Variants in ITPR3 observed in about 807,000 individuals in gnomAD.
ITPR3 encodes inositol 1,4,5-trisphosphate-gated calcium channel ITPR3.
In ITPR3, 173 loss-of-function variants were observed where a neutral mutation model predicts 293.2. The observed-to-expected ratio is 0.59, with a 90% CI of 0.52 to 0.67. ITPR3 has a LOEUF of 0.67. Ranked by LOEUF, ITPR3 falls within the 30% of genes least tolerant of loss-of-function variation. The probability of loss-of-function intolerance (pLI) is 0.00; values close to 1 mark genes in which losing one functional copy is unlikely to be tolerated. For missense variants in ITPR3, 2,796 were observed against 3,592.1 expected, an observed-to-expected ratio of 0.78 and a Z score of 5.66; for synonymous variants, 1,295 against 1,444.4, an observed-to-expected ratio of 0.90 and a Z score of 2.35.
Position 33,672,606 on chromosome 6 carries a change from G to A in ITPR3, c.2928+378G>A, listed in dbSNP as rs1453188376. Among the ~76,000 whole-genome samples the A allele has an allele frequency of 1.3e-5, 2 of 152,096 alleles. No homozygotes were observed. The highest frequency in any genetic ancestry group is 2.9e-5 in the Non-Finnish European group (2 of 68,008). On this transcript the variant is annotated intron_variant, in intron 22 of 57. Transcript: ENST00000605930. This position sits in a 1 kb window ranked among gnomAD's most constrained non-coding sequence, Gnocchi z 5.0. ...AGAAAAACAGAAATGCACATTCTCC[G>A]GCCCCACCCTAGACCTACTGAGTCA...
intron 49 of ITPR3, 82 bp downstream of exon 49, chr6:33,688,863 C>T: frequency 6.3e-7 from 1 of 1,586,696 alleles, no homozygotes; most frequent in Non-Finnish European, 8.6e-7. Flanking sequence ...TTGAGGCCAG[C>T]TGGCCTCTGA....
Position 33,658,642 on chromosome 6 carries a change from A to G in ITPR3, c.370-28A>G, listed in dbSNP as rs1764373519. 1 of 1,610,974 alleles carries G rather than the reference A, an allele frequency of 6.2e-7. No individual in the cohort carries two copies. Among genetic ancestry groups the G allele is most frequent in the Non-Finnish European group, 8.5e-7 (1 of 1,177,786 alleles). The stretch of plus-strand genomic sequence containing the variant: ...ATGGGCCGACTCCTGTGGCGCGGTG[A>G]CCTTCCCGCACCCCACCTGACCCCC... On this transcript the variant is annotated intron_variant, in intron 4 of 57. Transcript: ENST00000605930. The surrounding 1 kb of genome is among the most constrained non-coding windows in gnomAD (Gnocchi z 6.1).
At chr6:33,629,482 CTT>C (rs571746597) in intron 1 of ITPR3, among the ~76,000 whole-genome samples, 33 of 138,596 alleles carry the variant, frequency 2.4e-4, no homozygotes, top group Admixed American at 2.9e-4. Context: ...CCATTGGTTT[CTT>C]TTTTTTTTTT....
intron 2 of ITPR3, among the ~76,000 whole-genome samples, chr6:33,649,195 G>A (rs1367162751): frequency 2.6e-5 from 4 of 152,130 alleles, no homozygotes; most frequent in Non-Finnish European, 5.9e-5. Flanking sequence ...GAGCCATTGC[G>A]CCTGGCCTAT....
intron 1 of ITPR3, among the ~76,000 whole-genome samples, chr6:33,626,646 C>T (rs1363337100): frequency 6.6e-6 from 1 of 152,204 alleles, no homozygotes; most frequent in East Asian, 1.9e-4. Flanking sequence ...TTAGGCACTG[C>T]AGAATCAGTG....
rs1412015180 is a variant in ITPR3 at position 33,679,237 on chromosome 6, T to C, written c.3972+398T>C. Among the ~76,000 whole-genome samples, 1 of 152,154 alleles carries C rather than the reference T, an allele frequency of 6.6e-6. No homozygotes were observed. Among genetic ancestry groups the C allele is most frequent in the African/African-American group, 2.4e-5 (1 of 41,430 alleles). On this transcript the variant is annotated intron_variant, in intron 30 of 57. Transcript: ENST00000605930. This position sits in a 1 kb window ranked among gnomAD's most constrained non-coding sequence, Gnocchi z 4.2. ...GGGCACGGGCAGGGACCCCATCCTT[T>C]GTGTGCATCGCCAGGGCCCCAGTGT...
In ITPR3 at chr6:33,633,708, G is replaced by C. The variant is rs1440376261; in HGVS notation, c.90-6776G>C. On this transcript the variant is annotated intron_variant, in intron 1 of 57. Transcript: ENST00000605930. This position sits in a 1 kb window ranked among gnomAD's most constrained non-coding sequence, Gnocchi z 5.2. ...CCTTGGCGGCGGCGGCGCGTCGTGG[G>C]AGACGGCTGCACGTGGGACGGCGAG... Among the ~76,000 whole-genome samples, 2 of 148,142 alleles carry C rather than the reference G, an allele frequency of 1.4e-5. No homozygotes were observed. The highest frequency in any genetic ancestry group is 6.7e-5 in the Admixed American group (1 of 14,942).
chr6:33,627,396 A>G (rs944171674), intron 1 of ITPR3, among the ~76,000 whole-genome samples: 2 of 152,154 alleles, frequency 1.3e-5, no homozygotes, highest in Non-Finnish European at 2.9e-5. Context: ...ATGGCTTTGT[A>G]CCCTGTCCTT....
chr6:33,685,504 A>G lies in ITPR3; in HGVS notation c.5453A>G (p.Asp1818Gly). The change falls in exon 40 of 58, where the codon GAC becomes GGC. Residue 1818 changes from aspartate to glycine, a missense_variant. This residue lies in a region of ITPR3 where 704 missense variants were observed against 797.5 expected (regional missense o/e 0.88). Transcript: ENST00000605930. Reference sequence around the variant, plus strand: ...GACCTGGGCAGCCAGCCACATGAGGACCGCGAGCCAGTCGACCCCACCACC... The same window carrying G: ...GACCTGGGCAGCCAGCCACATGAGGGCCGCGAGCCAGTCGACCCCACCACC... ...MNDLGSQPHEDREPVDPTTKG... is the reference protein window; with the variant it reads ...MNDLGSQPHEGREPVDPTTKG... The G allele has an allele frequency of 6.2e-7, 1 of 1,612,152 alleles. No individual in the cohort carries two copies. Among genetic ancestry groups the G allele is most frequent in the East Asian group, 2.2e-5 (1 of 44,774 alleles).
At chr6:33,622,973 C>G (rs1215393327) in intron 1 of ITPR3, among the ~76,000 whole-genome samples, 1 of 152,184 alleles carries the variant, frequency 6.6e-6, no homozygotes, top group Non-Finnish European at 1.5e-5. Context: ...CGTGGAATCC[C>G]TGCCTATTTG....
At chr6:33,631,445 G>A (rs993495461) in intron 1 of ITPR3, among the ~76,000 whole-genome samples, 3 of 152,192 alleles carry the variant, frequency 2.0e-5, no homozygotes, top group Admixed American at 6.5e-5. Context: ...TTAGGTAGCC[G>A]AAGCAGAGAG....
Position 33,687,016 on chromosome 6 carries a change from C to A in ITPR3, c.5987C>A (p.Ala1996Asp). 1 of 1,613,812 alleles carries A rather than the reference C, an allele frequency of 6.2e-7. No individual in the cohort carries two copies. The highest frequency in any genetic ancestry group is 8.5e-7 in the Non-Finnish European group (1 of 1,179,842). Residue 1996 changes from alanine (A) to aspartate (D), a missense_variant, in exon 44 of 58, where the codon GCC (alanine) becomes GAC (aspartate). Coordinates refer to ENST00000605930, the MANE Select transcript of ITPR3 (RefSeq NM_002224.4). This position sits in a 1 kb window ranked among gnomAD's most constrained non-coding sequence, Gnocchi z 5.3. ...MDLVLQLKDN[A>D]SKLLLALMES... ...CTCTGCCCCTCCACCCAGGACAATG[C>A]CTCCAAGCTGCTCCTGGCTCTGATG...
intron 2 of ITPR3, among the ~76,000 whole-genome samples, chr6:33,648,362 G>A (rs1036684162): frequency 2.6e-5 from 4 of 151,758 alleles, no homozygotes; most frequent in Non-Finnish European, 4.4e-5. Flanking sequence ...CACAGTGCCC[G>A]GCCACTACTG....
intron 28 of ITPR3, among the ~76,000 whole-genome samples, 170 bp from the exon 29 acceptor site, chr6:33,678,251 G>A (rs969620694): frequency 2.6e-5 from 4 of 151,924 alleles, no homozygotes; most frequent in Non-Finnish European, 5.9e-5. Flanking sequence ...TTGAGCTCCC[G>A]CCCCTCACAC....
At position 33,680,159 on chromosome 6, in the gene ITPR3, C is replaced by T. The variant is rs111990331; in HGVS notation, c.4224+26C>T. 0.058 allele frequency: 92,592 copies of T among 1,605,726 alleles called. 5,858 individuals carry two copies. The highest frequency in any genetic ancestry group is 0.33 in the African/African-American group (24,328 of 74,846). On this transcript the variant is annotated intron_variant, in intron 31 of 57. Coordinates refer to ENST00000605930, the MANE Select transcript of ITPR3 (RefSeq NM_002224.4). ...GTGGGGATCGGGAGACTGGGCAAGA[C>T]GGCTGGAGATGGGGCGAAGGGGTGG...
At chr6:33,652,886 G>T (rs1383599252) in intron 2 of ITPR3, among the ~76,000 whole-genome samples, 1 of 151,818 alleles carries the variant, frequency 6.6e-6, no homozygotes, top group East Asian at 1.9e-4. Context: ...AAAGAGAAAA[G>T]AAAGGAAAGT....
intron 25 of ITPR3, 121 bp from the exon 26 acceptor site, chr6:33,676,647 T>G (rs1582148805): frequency 1.5e-5 from 17 of 1,170,214 alleles, no homozygotes; most frequent in Admixed American, 7.0e-5. Flanking sequence ...ATCGGCTCGG[T>G]GGAGAGGGAC....
At position 33,633,740 on chromosome 6, in the gene ITPR3, T is replaced by C. The variant is rs1292623567; in HGVS notation, c.90-6744T>C. ...CTGCACGTGGGACGGCGAGTTTCGC[T>C]TCGCCGCGGGGGCGGGGGCGGGGCC... On this transcript the variant is annotated intron_variant, in intron 1 of 57. Coordinates refer to ENST00000605930, the MANE Select transcript of ITPR3 (RefSeq NM_002224.4). This position sits in a 1 kb window ranked among gnomAD's most constrained non-coding sequence, Gnocchi z 5.2. Among the ~76,000 whole-genome samples, 7 of 142,522 alleles carry C rather than the reference T, an allele frequency of 4.9e-5. No homozygotes were observed. Among genetic ancestry groups the C allele is most frequent in the African/African-American group, 1.5e-4 (6 of 39,634 alleles). 93.5% of individuals were successfully genotyped at this position (142,522 alleles called of 152,430 possible).
At chr6:33,651,447 A>T (rs1764190550) in intron 2 of ITPR3, among the ~76,000 whole-genome samples, 1 of 152,024 alleles carries the variant, frequency 6.6e-6, no homozygotes. Flanking sequence ...GATTCCAACT[A>T]GTATCTTTAG....
Sources: gnomAD v4.1 joint callset for allele counts (sites outside exome capture counted in the v4.1 genomes callset) on GRCh38, gnomAD v4.1.1 for gene constraint, gnomAD v4.1.1 regional missense constraint, Gnocchi (gnomAD v3.1) non-coding constraint, MANE v1.5 for transcripts, NCBI Gene and HGNC (gene_info 2026-07-23, HGNC 2026-07-21) for gene names.